Variants in IMMP2L observed in about 807,000 individuals in gnomAD.
IMMP2L encodes inner mitochondrial membrane peptidase subunit 2.
A neutral mutation model predicts 19.3 loss-of-function variants in IMMP2L; 18 were observed. That is an observed-to-expected ratio of 0.93 (90% CI 0.64 to 1.38). IMMP2L has a LOEUF of 1.38. Ranked by LOEUF, IMMP2L falls within the 40% of genes most tolerant of loss-of-function variation. The pLI, the probability that IMMP2L is intolerant of heterozygous loss-of-function variation, is 0.00. For synonymous variants in IMMP2L, 76 were observed against 73.0 expected (o/e 1.04, Z -0.21); for missense variants, 233 against 218.2 (o/e 1.07, Z -0.43).
chr7:111,464,193 G>C (rs974272256), intron 3 of IMMP2L, among the ~76,000 whole-genome samples: 1 of 152,148 alleles, frequency 6.6e-6, no homozygotes, highest in African/African-American at 2.4e-5. Flanking sequence ...ACAAGGCCAG[G>C]ATTACAGGTA....
intron 5 of IMMP2L, among the ~76,000 whole-genome samples, chr7:110,707,002 T>TTTA (rs1554399136): frequency 5.9e-4 from 16 of 26,924 alleles, no homozygotes; most frequent in African/African-American, 2.6e-3. Context: ...TTTTTTTTTT[T>TTTA]AATTTTTTTT....
chr7:111,087,437 A>G (rs1586175714), intron 3 of IMMP2L, among the ~76,000 whole-genome samples: 1 of 151,352 alleles, frequency 6.6e-6, no homozygotes, highest in Non-Finnish European at 1.5e-5. Flanking sequence ...CAACAGAGCA[A>G]GACTCCATCT....
At chr7:111,112,777 A>AT (rs1211621436) in intron 3 of IMMP2L, among the ~76,000 whole-genome samples, 1 of 152,128 alleles carries the variant, frequency 6.6e-6, no homozygotes. Context: ...CCACATCGCT[A>AT]TTATCGTCTT....
At chr7:111,474,948 A>G (rs1841593551) in intron 3 of IMMP2L, among the ~76,000 whole-genome samples, 1 of 152,160 alleles carries the variant, frequency 6.6e-6, no homozygotes, top group South Asian at 2.1e-4. Context: ...CTGTACTGTC[A>G]TAATACTATA....
chr7:111,090,200 T>C (rs1012254168), intron 3 of IMMP2L, among the ~76,000 whole-genome samples: 2 of 152,176 alleles, frequency 1.3e-5, no homozygotes, highest in Non-Finnish European at 2.9e-5. Flanking sequence ...TGCACTGCTA[T>C]GTGTTTCTGT....
intron 3 of IMMP2L, among the ~76,000 whole-genome samples, chr7:111,012,510 T>G (rs1039521101): frequency 1.3e-5 from 2 of 152,294 alleles, no homozygotes; most frequent in Admixed American, 6.5e-5. Context: ...TATTTATATA[T>G]GATATTAACA....
intron 5 of IMMP2L, among the ~76,000 whole-genome samples, chr7:110,784,452 C>T (rs1799940498): frequency 6.6e-6 from 1 of 151,930 alleles, no homozygotes; most frequent in African/African-American, 2.4e-5. Context: ...TCTTCATCTA[C>T]CATGAAGCCA....
chr7:111,179,268 A>C (rs1807434646), intron 3 of IMMP2L, among the ~76,000 whole-genome samples: 1 of 152,126 alleles, frequency 6.6e-6, no homozygotes, highest in Non-Finnish European at 1.5e-5. Flanking sequence ...ACCATGCTAT[A>C]AACCAAGCTT....
intron 5 of IMMP2L, among the ~76,000 whole-genome samples, chr7:110,875,133 C>T (rs952680778): frequency 6.6e-6 from 1 of 152,108 alleles, no homozygotes; most frequent in African/African-American, 2.4e-5. Flanking sequence ...AAAAATATAA[C>T]GGTTTAACCA....
chr7:110,927,892 A>ACCTT (rs145912357), intron 4 of IMMP2L, among the ~76,000 whole-genome samples: 2 of 152,254 alleles, frequency 1.3e-5, no homozygotes, highest in South Asian at 2.1e-4. Flanking sequence ...TGAAACAGTG[A>ACCTT]CCTTGCTTAA....
rs183481742 is a variant in IMMP2L at position 110,735,325 on chromosome 7, G to C, written c.409-71604C>G. Among the ~76,000 whole-genome samples, 86 of 152,082 alleles carry C rather than the reference G, an allele frequency of 5.7e-4. 1 individual carries two copies. The South Asian group carries it at 6.5e-3, about 11-fold the overall frequency. ...CTGTGAATCAGCAACCATTTTTCCA[G>C]GACCCCTCTCTGTAGCAGAGAGCTA... On this transcript the variant is annotated intron_variant, in intron 5 of 5. Coordinates refer to ENST00000405709, the MANE Select transcript of IMMP2L (RefSeq NM_032549.4).
intron 3 of IMMP2L, among the ~76,000 whole-genome samples, chr7:111,355,696 CTA>C (rs1291643919): frequency 6.6e-6 from 1 of 151,908 alleles, no homozygotes; most frequent in Non-Finnish European, 1.5e-5. Context: ...ATGTTCACCT[CTA>C]TATCAAATGT....
At chr7:110,873,668 G>C (rs1473990202) in intron 5 of IMMP2L, among the ~76,000 whole-genome samples, 1 of 151,220 alleles carries the variant, frequency 6.6e-6, no homozygotes, top group South Asian at 2.1e-4. Context: ...CAGCTACTCA[G>C]GAAGCTGAAG....
intron 3 of IMMP2L, among the ~76,000 whole-genome samples, chr7:111,039,643 T>C (rs951527156): frequency 6.6e-6 from 1 of 152,214 alleles, no homozygotes; most frequent in Non-Finnish European, 1.5e-5. Flanking sequence ...ATTAACATGG[T>C]AGTGGTTTTT....
rs148934664 is a variant in IMMP2L at position 110,694,399 on chromosome 7, A to G, written c.409-30678T>C. On this transcript the variant is annotated intron_variant, in intron 5 of 5. Transcript: ENST00000405709. ...ACCTAAATGAAATCAGATACAAAAAAAGAACAATATACATGATACAGAAAA... is the reference window on the plus strand; with the variant it reads ...ACCTAAATGAAATCAGATACAAAAAGAGAACAATATACATGATACAGAAAA... Among the ~76,000 whole-genome samples, 481 of 151,738 alleles carry G rather than the reference A, an allele frequency of 3.2e-3. 6 individuals carry two copies. Among genetic ancestry groups the G allele is most frequent in the African/African-American group, 0.011 (451 of 41,488 alleles).
chr7:111,270,080 T>C (rs1355088826), intron 3 of IMMP2L, among the ~76,000 whole-genome samples: 2 of 151,732 alleles, frequency 1.3e-5, no homozygotes, highest in East Asian at 1.9e-4. Context: ...TGTGTGTGTG[T>C]GTGTGTGTGT....
At chr7:110,816,254 G>A (rs1584917716) in intron 5 of IMMP2L, among the ~76,000 whole-genome samples, 2 of 152,198 alleles carry the variant, frequency 1.3e-5, no homozygotes, top group African/African-American at 4.8e-5. Context: ...AGGTTGTTCA[G>A]TTTCCATGTA....
At chr7:111,544,153 A>T (rs995669799) in intron 1 of IMMP2L, among the ~76,000 whole-genome samples, 31 of 152,130 alleles carry the variant, frequency 2.0e-4, no homozygotes, top group African/African-American at 7.2e-4. Flanking sequence ...CAAGGACAGA[A>T]ACCAAACACC....
chr7:111,250,122 G>A (rs768909940), intron 3 of IMMP2L, among the ~76,000 whole-genome samples: 4 of 151,932 alleles, frequency 2.6e-5, no homozygotes, highest in Non-Finnish European at 4.4e-5. Context: ...ACAGAAAAGC[G>A]GAGTGGTGAA....
Sources: gnomAD v4.1 joint callset for allele counts (sites outside exome capture counted in the v4.1 genomes callset) on GRCh38, gnomAD v4.1.1 for gene constraint, MANE v1.5 for transcripts, NCBI Gene and HGNC (gene_info 2026-07-23, HGNC 2026-07-21) for gene names.